CFAP299: variants seen among roughly 807,000 people sequenced by gnomAD.
CFAP299 encodes cilia- and flagella-associated protein 299.
Under a neutral mutation model 27.0 loss-of-function variants are expected in CFAP299, and 21 were observed. The ratio of observed to expected loss-of-function variants is 0.78; its 90% confidence interval spans 0.55 to 1.12. The LOEUF is 1.12. CFAP299 is among the 50% of genes most tolerant of loss of function. CFAP299 has a pLI of 0.00. For missense variants in CFAP299, 310 were observed against 276.6 expected, an observed-to-expected ratio of 1.12 and a Z score of -0.86; for synonymous variants, 104 against 98.1, an observed-to-expected ratio of 1.06 and a Z score of -0.36.
intron 2 of CFAP299, among the ~76,000 whole-genome samples, chr4:80,576,169 G>C (rs1221970010): frequency 9.8e-6 from 1 of 102,486 alleles, no homozygotes; most frequent in Non-Finnish European, 1.9e-5. Flanking sequence ...ATGTACCCTA[G>C]AACTTAAAGT....
At chr4:80,694,908 T>A (rs1720989601) in intron 3 of CFAP299, among the ~76,000 whole-genome samples, 2 of 152,226 alleles carry the variant, frequency 1.3e-5, no homozygotes, top group South Asian at 4.1e-4. Context: ...CTCATTTACA[T>A]GGCTTAGATG....
chr4:80,693,842 T>TAA (rs527320514), intron 3 of CFAP299, among the ~76,000 whole-genome samples: 3 of 144,586 alleles, frequency 2.1e-5, no homozygotes, highest in African/African-American at 5.1e-5. Flanking sequence ...CATCTGTTAA[T>TAA]AAAAAAAAAA....
At chr4:80,463,101 A>G (rs532980701) in intron 2 of CFAP299, among the ~76,000 whole-genome samples, 67 of 152,296 alleles carry the variant, frequency 4.4e-4, no homozygotes, top group Non-Finnish European at 7.2e-4. Context: ...TGATTGGGGC[A>G]GAAGAAAACT....
chr4:80,408,878 T>C (rs561343881), intron 2 of CFAP299, among the ~76,000 whole-genome samples: 90 of 152,132 alleles, frequency 5.9e-4, no homozygotes, highest in African/African-American at 2.0e-3. Context: ...TTTTTATATC[T>C]TTGAGTTTCT....
At chr4:80,927,869 G>A (rs1429733098) in intron 4 of CFAP299, among the ~76,000 whole-genome samples, 1 of 152,098 alleles carries the variant, frequency 6.6e-6, no homozygotes, top group Admixed American at 6.6e-5. Context: ...GACAAAGTCA[G>A]CAAAGTCCTT....
At chr4:80,829,026 A>G (rs549685249) in intron 3 of CFAP299, among the ~76,000 whole-genome samples, 1 of 152,166 alleles carries the variant, frequency 6.6e-6, no homozygotes, top group Middle Eastern at 3.4e-3. Context: ...TATATTTGCA[A>G]TGGAGAAAAT....
intron 3 of CFAP299, among the ~76,000 whole-genome samples, chr4:80,662,691 G>A (rs1740920032): frequency 6.6e-6 from 1 of 152,174 alleles, no homozygotes; most frequent in African/African-American, 2.4e-5. Flanking sequence ...GATGCTAGGT[G>A]ATAGATAAGG....
intron 4 of CFAP299, among the ~76,000 whole-genome samples, chr4:80,924,356 C>T (rs1353482410): frequency 1.3e-5 from 2 of 151,768 alleles, no homozygotes; most frequent in Admixed American, 1.3e-4. Flanking sequence ...TCACTGTTCT[C>T]TCCAGGTTCT....
At chr4:80,377,297 A>T (rs887227820) in intron 2 of CFAP299, among the ~76,000 whole-genome samples, 18 of 152,116 alleles carry the variant, frequency 1.2e-4, no homozygotes, top group African/African-American at 4.3e-4. Context: ...CTAATTTTGT[A>T]AATTTTGTTA....
chr4:80,668,433 T>C (rs986109639), intron 3 of CFAP299, among the ~76,000 whole-genome samples: 1 of 152,210 alleles, frequency 6.6e-6, no homozygotes, highest in Non-Finnish European at 1.5e-5. Flanking sequence ...AGTTTTACAA[T>C]TTGAGATCTT....
At chr4:80,889,115 A>C (rs1734119019) in intron 4 of CFAP299, among the ~76,000 whole-genome samples, 2 of 151,400 alleles carry the variant, frequency 1.3e-5, no homozygotes, top group South Asian at 4.2e-4. Flanking sequence ...CTAAATTAGT[A>C]GGGAAGAAAT....
chr4:80,372,777 G>C, intron 2 of CFAP299, among the ~76,000 whole-genome samples: 1 of 152,162 alleles, frequency 6.6e-6, no homozygotes, highest in Non-Finnish European at 1.5e-5. Context: ...AACCAGCCCA[G>C]ATTCCATTAT....
At chr4:80,824,003 A>G (rs1729848244) in intron 3 of CFAP299, among the ~76,000 whole-genome samples, 1 of 152,276 alleles carries the variant, frequency 6.6e-6, no homozygotes, top group South Asian at 2.1e-4. Flanking sequence ...TCATTCCCAT[A>G]AAACTTTTAT....
intron 2 of CFAP299, among the ~76,000 whole-genome samples, chr4:80,468,609 T>A (rs949790229): frequency 4.6e-5 from 7 of 151,414 alleles, no homozygotes; most frequent in Admixed American, 2.0e-4. Context: ...CTGAGGTGGG[T>A]GGATCACTTG....
At chr4:80,750,932 T>C (rs1365888898) in intron 3 of CFAP299, among the ~76,000 whole-genome samples, 1 of 152,150 alleles carries the variant, frequency 6.6e-6, no homozygotes, top group Non-Finnish European at 1.5e-5. Flanking sequence ...TTATCATGAT[T>C]CTTAGCTTCT....
intron 3 of CFAP299, among the ~76,000 whole-genome samples, chr4:80,621,935 A>G (rs759040342): frequency 2.0e-5 from 3 of 152,048 alleles, no homozygotes; most frequent in African/African-American, 7.2e-5. Flanking sequence ...TATTGTGGGT[A>G]GAGGAGCCAG....
intron 2 of CFAP299, among the ~76,000 whole-genome samples, chr4:80,467,362 C>T (rs1729758473): frequency 6.6e-6 from 1 of 152,178 alleles, no homozygotes; most frequent in African/African-American, 2.4e-5. Context: ...TTACAACTTC[C>T]TAAAATGCAA....
At chr4:80,930,139 A>G (rs1007924900) in intron 4 of CFAP299, among the ~76,000 whole-genome samples, 5 of 152,118 alleles carry the variant, frequency 3.3e-5, no homozygotes, top group Non-Finnish European at 5.9e-5. Flanking sequence ...TTCATCACCA[A>G]TGGCCATTGG....
intron 3 of CFAP299, among the ~76,000 whole-genome samples, chr4:80,734,866 T>G (rs1302764853): frequency 6.6e-6 from 1 of 152,106 alleles, no homozygotes; most frequent in Non-Finnish European, 1.5e-5. Context: ...ACTGTAGCAC[T>G]GTAGTATAAT....
Sources: allele counts gnomAD v4.1 joint callset (sites outside exome capture counted in the v4.1 genomes callset), GRCh38; gene constraint gnomAD v4.1.1; transcripts MANE v1.5; gene names NCBI Gene and HGNC (gene_info 2026-07-23, HGNC 2026-07-21).